KAZN: variants seen among roughly 807,000 people sequenced by gnomAD.
KAZN encodes the protein kazrin, periplakin interacting protein, also known as kazrin.
In KAZN, 40 loss-of-function variants were observed where a neutral mutation model predicts 87.4. The observed-to-expected ratio is 0.46, with a 90% confidence interval of 0.36 to 0.60. KAZN has a LOEUF of 0.60. KAZN is among the 20% of genes least tolerant of loss of function. The pLI is 0.00. For missense variants in KAZN, 898 were observed against 1,073.9 expected, an observed-to-expected ratio of 0.84 and a Z score of 2.29; for synonymous variants, 466 against 458.3, an observed-to-expected ratio of 1.02 and a Z score of -0.22.
chr1:14,245,021 C>T (rs1284213605), intron 2 of KAZN, among the ~76,000 whole-genome samples: 10 of 151,826 alleles, frequency 6.6e-5, no homozygotes, highest in South Asian at 4.2e-4. Context: ...AGTGCAGTGG[C>T]GAGATCTCGG....
chr1:14,595,143 CA>C (rs35260607), upstream of KAZN, among the ~76,000 whole-genome samples: 123,005 of 149,192 alleles, frequency 0.82, 50,892 homozygotes, highest in African/African-American at 0.92. Context: ...GACTCCATCT[CA>C]AAAAAAAAAA....
At chr1:14,394,620 G>C (rs1662738629) in intron 2 of KAZN, among the ~76,000 whole-genome samples, 1 of 152,144 alleles carries the variant, frequency 6.6e-6, no homozygotes, top group Non-Finnish European at 1.5e-5. Flanking sequence ...TTTAAACCCA[G>C]AGGTTAAGTA....
chr1:14,681,741 A>G lies in KAZN; in HGVS notation c.226+82518A>G, dbSNP rs1285693026. 2.4e-5 allele frequency among the ~76,000 whole-genome samples: 3 copies of G among 125,766 alleles called. No homozygotes were observed. In the East Asian group the frequency reaches 7.3e-4, roughly 31 times the overall value. 82.5% of individuals were successfully genotyped at this position (125,766 alleles called of 152,430 possible). A position where few individuals can be genotyped will look rare whatever the true frequency, so the allele number is the denominator to read the frequency against. Reference sequence around the variant, plus strand: ...GCCCAGGCTGGAGTGCAGTGGCGCAATCTTGGCTCACTGCAAGCTCCGCCT... The same window carrying G: ...GCCCAGGCTGGAGTGCAGTGGCGCAGTCTTGGCTCACTGCAAGCTCCGCCT... On this transcript the variant is annotated intron_variant, in intron 1 of 14. Transcript: ENST00000376030.
rs748541511 is a variant in KAZN at position 15,114,577 on chromosome 1, G to A, written c.2270G>A (p.Ser757Asn). Reference sequence around the variant, plus strand: ...GATTGCGGAGACGATGACCCCCAGAGCAGGCTGGAACAGTGCCGTCTGGAA... The same window carrying A: ...GATTGCGGAGACGATGACCCCCAGAACAGGCTGGAACAGTGCCGTCTGGAA... ...NEDCGDDDPQ[S>N]RLEQCRLEGY... is the part of the protein sequence containing the mutation. Residue 757 changes from serine (S) to asparagine (N), a missense_variant, in exon 15 of 15, where the codon AGC becomes AAC. Physicochemically the swap from Ser to Asn is conservative, Grantham distance 46 (BLOSUM62 1). This residue lies in a region of KAZN where 127 missense variants were observed against 121.5 expected (regional missense o/e 1.04). Coordinates refer to ENST00000376030, the MANE Select transcript of KAZN (RefSeq NM_201628.3). 1.9e-6 allele frequency: 3 copies of A among 1,605,316 alleles called. No individual in the cohort carries two copies. Among genetic ancestry groups the A allele is most frequent in the Admixed American group, 1.7e-5 (1 of 58,712 alleles).
intron 11 of KAZN, 130 bp from the exon 12 acceptor site, chr1:15,103,229 T>G (rs1489836347): frequency 6.0e-6 from 4 of 670,434 alleles, no homozygotes; most frequent in African/African-American, 3.6e-5. Flanking sequence ...ATAGCACCAC[T>G]GCACTCATGC....
chr1:14,773,657 T>C lies in KAZN; in HGVS notation c.226+174434T>C, dbSNP rs1645085214. Among the ~76,000 whole-genome samples the C allele has an allele frequency of 1.3e-5, 2 of 152,170 alleles. No individual in the cohort carries two copies. The highest frequency in any genetic ancestry group is 6.5e-5 in the Admixed American group (1 of 15,284). On this transcript the variant is annotated intron_variant, in intron 1 of 14. Coordinates refer to ENST00000376030, the MANE Select transcript of KAZN (RefSeq NM_201628.3). This position sits in a 1 kb window ranked among gnomAD's most constrained non-coding sequence, Gnocchi z 5.9. ...TCTCCTTCTTCCTCTTCTAAAACAC[T>C]GCAACCACCATAGCCAGTGCCTCTA...
At chr1:14,428,978 C>T (rs777688822) in intron 2 of KAZN, among the ~76,000 whole-genome samples, 1 of 151,836 alleles carries the variant, frequency 6.6e-6, no homozygotes, top group African/African-American at 2.4e-5. Flanking sequence ...CTTTTTAGAA[C>T]ATATGTATTA....
chr1:14,762,587 C>T (rs1403596843), intron 1 of KAZN, among the ~76,000 whole-genome samples: 2 of 151,962 alleles, frequency 1.3e-5, no homozygotes, highest in Admixed American at 6.6e-5. Flanking sequence ...TAGCCAGTCG[C>T]GGTGGCAGGC....
chr1:14,050,887 A>C (rs1468501535), intron 1 of KAZN, among the ~76,000 whole-genome samples: 1 of 152,234 alleles, frequency 6.6e-6, no homozygotes. Flanking sequence ...TATTGTCTGG[A>C]AAATCCATAA....
At chr1:15,080,199 C>A (rs904427814) in intron 8 of KAZN, among the ~76,000 whole-genome samples, 8 of 152,178 alleles carry the variant, frequency 5.3e-5, no homozygotes, top group African/African-American at 1.9e-4. Context: ...CTTTGCAAGA[C>A]GGTGGCACCA....
intron 2 of KAZN, 139 bp from the exon 3 acceptor site, chr1:15,034,610 T>C (rs2100214231): frequency 2.9e-6 from 3 of 1,047,406 alleles, no homozygotes; most frequent in Non-Finnish European, 4.1e-6. Context: ...CAAGGGCACA[T>C]GGAAGGGACA....
intron 1 of KAZN, among the ~76,000 whole-genome samples, chr1:14,869,591 G>A (rs1385003967): frequency 2.0e-5 from 3 of 152,160 alleles, no homozygotes; most frequent in Non-Finnish European, 2.9e-5. Flanking sequence ...TTTCTGGATC[G>A]GAATTGAAAG....
rs116404951 is a variant in KAZN, at chr1:14,136,333, C to A, written c.92-44102C>A. 8.2e-3 allele frequency among the ~76,000 whole-genome samples: 1,250 copies of A among 152,134 alleles called. 21 individuals are homozygous for A. The highest frequency in any genetic ancestry group is 0.028 in the African/African-American group (1,158 of 41,498). On this transcript the variant is annotated intron_variant, in intron 1 of 16. Coordinates refer to the KAZN transcript ENST00000636203. ...AGCCTCACGGGGCCTCAGATGCCCC[C>A]CTGTGAAGTAGGAAAGGTGATAGCC...
At chr1:14,124,025 C>T (rs2101710452) in intron 1 of KAZN, among the ~76,000 whole-genome samples, 1 of 152,342 alleles carries the variant, frequency 6.6e-6, no homozygotes, top group Non-Finnish European at 1.5e-5. Context: ...AGGTAAGGGT[C>T]TACCTTTCTA....
At chr1:15,092,111 T>G (rs1168893665) in intron 8 of KAZN, among the ~76,000 whole-genome samples, 1 of 148,114 alleles carries the variant, frequency 6.8e-6, no homozygotes, top group Non-Finnish European at 1.5e-5. Context: ...AGTTTCACTC[T>G]TGTTGGCCAG....
chr1:14,336,119 T>C (rs1657250487), intron 2 of KAZN, among the ~76,000 whole-genome samples: 1 of 152,200 alleles, frequency 6.6e-6, no homozygotes, highest in Non-Finnish European at 1.5e-5. Flanking sequence ...GGAGTAAGGA[T>C]TGCTCCAAGG....
intron 2 of KAZN, among the ~76,000 whole-genome samples, chr1:14,411,437 G>A (rs1014268692): frequency 6.6e-6 from 1 of 152,146 alleles, no homozygotes; most frequent in Non-Finnish European, 1.5e-5. Flanking sequence ...TGTAATTACA[G>A]GCATGCACCA....
chr1:14,558,891 T>C (rs557302235), intron 2 of KAZN, among the ~76,000 whole-genome samples: 1 of 152,268 alleles, frequency 6.6e-6, no homozygotes, highest in East Asian at 1.9e-4. Context: ...ATCCGCAGTC[T>C]CATGGGGCAT....
intron 1 of KAZN, among the ~76,000 whole-genome samples, chr1:13,956,116 A>G (rs375513707): frequency 6.6e-6 from 1 of 152,148 alleles, no homozygotes; most frequent in Non-Finnish European, 1.5e-5. Context: ...CCCATTTTTT[A>G]TTAACTGAGA....
Sources: gnomAD v4.1 joint callset for allele counts (sites outside exome capture counted in the v4.1 genomes callset) on GRCh38, gnomAD v4.1.1 for gene constraint, gnomAD v4.1.1 regional missense constraint, Gnocchi (gnomAD v3.1) non-coding constraint, MANE v1.5 for transcripts, NCBI Gene and HGNC (gene_info 2026-07-23, HGNC 2026-07-21) for gene names.